SYNE1: variants seen among roughly 807,000 people sequenced by gnomAD.
The protein encoded by SYNE1 is spectrin repeat containing nuclear envelope protein 1, also known as nesprin-1.
In SYNE1, 616 loss-of-function variants were observed where a neutral mutation model predicts 1,111.0. The observed-to-expected ratio is 0.55, with a 90% confidence interval of 0.52 to 0.59. The LOEUF is 0.59. SYNE1 is among the 20% of genes least tolerant of loss of function. SYNE1 has a pLI of 0.00. For synonymous variants in SYNE1, 3,855 were observed against 3,825.8 expected, an observed-to-expected ratio of 1.01 and a Z score of -0.28; for missense variants, 10,006 against 10,417.0, an observed-to-expected ratio of 0.96 and a Z score of 1.72.
chr6:152,203,990 A>G (rs572664891), intron 126 of SYNE1, among the ~76,000 whole-genome samples: 163 of 152,314 alleles, frequency 1.1e-3, no homozygotes, highest in Middle Eastern at 6.8e-3. Flanking sequence ...TTCTGCTTAA[A>G]TTAAACAACA....
Position 152,232,176 on chromosome 6 carries a change from T to G in SYNE1, c.20802A>C (p.Glu6934Asp). 1 of 1,609,368 alleles carries G rather than the reference T, an allele frequency of 6.2e-7. No individual in the cohort carries two copies. Among genetic ancestry groups the G allele is most frequent in the Non-Finnish European group, 8.5e-7 (1 of 1,175,730 alleles). The part of the protein sequence containing the change: ...SLMENVIQKD[E>D]DNIKNSIGYK... The stretch of plus-strand genomic sequence containing the variant: ...AACCTATGGAATTTTTAATATTATC[T>G]TCATCCTTCTGAATAACATTTTCCA... Residue 6934 changes from glutamate (E) to aspartate (D), a missense_variant, in exon 113 of 146, where the codon GAA (glutamate) becomes GAC (aspartate). Physicochemically the swap from Glu to Asp is conservative, Grantham distance 45. Transcript: ENST00000367255.
chr6:152,490,520 T>C (rs1022065753), intron 11 of SYNE1, among the ~76,000 whole-genome samples: 13 of 152,190 alleles, frequency 8.5e-5, no homozygotes. Context: ...CTCTGGACAA[T>C]GAATCTCGGA....
intron 72 of SYNE1, among the ~76,000 whole-genome samples, chr6:152,349,928 A>C (rs1434088478): frequency 6.6e-6 from 1 of 152,208 alleles, no homozygotes; most frequent in Non-Finnish European, 1.5e-5. Flanking sequence ...AGGCCTCCCC[A>C]GCCACAAGGA....
At chr6:152,283,418 G>T (rs2094143697) in intron 96 of SYNE1, among the ~76,000 whole-genome samples, 1 of 152,186 alleles carries the variant, frequency 6.6e-6, no homozygotes, top group South Asian at 2.1e-4. Flanking sequence ...CCAAGAATTT[G>T]CTTTCCACAT....
intron 130 of SYNE1, among the ~76,000 whole-genome samples, chr6:152,172,163 G>A (rs1395620966): frequency 2.0e-5 from 3 of 152,126 alleles, no homozygotes; most frequent in African/African-American, 7.2e-5. Context: ...CCCAGGGCTG[G>A]GAGAAGTGGG....
In SYNE1 at chr6:152,321,325, C is replaced by T; in HGVS notation, c.16149G>A (p.Glu5383=). 6.2e-7 allele frequency: 1 copy of T among 1,613,822 alleles called. No individual in the cohort carries two copies. Among genetic ancestry groups the T allele is most frequent in the African/African-American group, 1.3e-5 (1 of 75,022 alleles). The change falls in exon 84 of 146, where the codon GAG becomes GAA. Residue 5383 remains glutamate (E), a synonymous_variant. Transcript: ENST00000367255. The part of the protein sequence containing the change: ...NIEKMAEEQK[E]KYLGLYTILP... ...ATATGGTATAAAGACCTAAGTACTT[C>T]TCCTTCTGTTCTTCTGCCATTTTTT...
intron 3 of SYNE1, among the ~76,000 whole-genome samples, chr6:152,604,329 G>A (rs531403408): frequency 1.5e-3 from 223 of 152,028 alleles, no homozygotes; most frequent in African/African-American, 5.0e-3. Flanking sequence ...TTGAGACAGG[G>A]TCTCACTCTG....
intron 53 of SYNE1, among the ~76,000 whole-genome samples, chr6:152,389,087 A>T (rs1441947677): frequency 1.4e-5 from 2 of 147,868 alleles, no homozygotes; most frequent in East Asian, 3.8e-4. Context: ...TAACAACAAC[A>T]AAAAAACCCT....
intron 98 of SYNE1, among the ~76,000 whole-genome samples, chr6:152,273,827 T>C (rs759231450): frequency 6.6e-6 from 1 of 152,156 alleles, no homozygotes; most frequent in Non-Finnish European, 1.5e-5. Context: ...GCTCCCCTCA[T>C]TGGTTTTGCC....
intron 3 of SYNE1, among the ~76,000 whole-genome samples, chr6:152,617,087 A>C (rs2099656389): frequency 6.6e-6 from 1 of 152,212 alleles, no homozygotes; most frequent in Non-Finnish European, 1.5e-5. Context: ...GAAGTCCCTC[A>C]AATATCTACT....
rs2154248829 is a variant in SYNE1, at chr6:152,449,542, A to C, written c.3495T>G (p.Arg1165=). The change falls in exon 28 of 146, where the codon CGT becomes CGG. Residue 1165 remains arginine, a synonymous_variant. Transcript: ENST00000367255. The stretch of plus-strand genomic sequence containing the variant: ...ATGACCCTGAACTTACTTCAACGGC[A>C]CGTTTAACCTCTCCGTGGTTGGCAG... ...IDTANHGEVK[R]AVEEIRNGVT... 1.2e-6 allele frequency: 2 copies of C among 1,613,672 alleles called. No individual in the cohort carries two copies. The highest frequency in any genetic ancestry group is 1.7e-6 in the Non-Finnish European group (2 of 1,179,608).
At chr6:152,296,170 T>A (rs2094869797) in intron 93 of SYNE1, among the ~76,000 whole-genome samples, 1 of 152,154 alleles carries the variant, frequency 6.6e-6, no homozygotes, top group Non-Finnish European at 1.5e-5. Context: ...AAATGATGAA[T>A]TTTCATCCCT....
chr6:152,226,150 A>G (rs2081523763), intron 115 of SYNE1, among the ~76,000 whole-genome samples: 1 of 152,190 alleles, frequency 6.6e-6, no homozygotes, highest in Non-Finnish European at 1.5e-5. Flanking sequence ...AATTTTCTCA[A>G]GAGGCTGTGA....
At chr6:152,240,120 TC>T (rs1725855435) in intron 107 of SYNE1, among the ~76,000 whole-genome samples, 1 of 151,590 alleles carries the variant, frequency 6.6e-6, no homozygotes, top group Admixed American at 6.6e-5. Context: ...GCGCGAGGAG[TC>T]CTTGACCAGG....
chr6:152,325,074 T>C lies in SYNE1; in HGVS notation c.15657+10A>G. On this transcript the variant is annotated intron_variant, in intron 81 of 145. Transcript: ENST00000367255. ...GAAAGAAAGGTGAGCCCATGGACAG[T>C]GGAAACTACCTTGTTGTTAAAGCCC... is the stretch of plus-strand genomic sequence containing the variant. 1 of 1,613,506 alleles carries C rather than the reference T, an allele frequency of 6.2e-7. No individual in the cohort carries two copies. Among genetic ancestry groups the C allele is most frequent in the Non-Finnish European group, 8.5e-7 (1 of 1,179,938 alleles).
intron 18 of SYNE1, 83 bp downstream of exon 18, chr6:152,465,175 G>A (rs537133536): frequency 4.3e-5 from 62 of 1,455,760 alleles, no homozygotes; most frequent in Non-Finnish European, 5.5e-5. Flanking sequence ...AAATATATGC[G>A]ACCCCCTAGT....
chr6:152,590,240 A>G (rs1001024874), intron 3 of SYNE1, among the ~76,000 whole-genome samples: 1 of 151,726 alleles, frequency 6.6e-6, no homozygotes, highest in Non-Finnish European at 1.5e-5. Context: ...AAAAAAAATT[A>G]TGTCTTATTA....
intron 130 of SYNE1, among the ~76,000 whole-genome samples, chr6:152,166,084 C>A (rs1473953589): frequency 6.6e-6 from 1 of 152,202 alleles, no homozygotes; most frequent in Non-Finnish European, 1.5e-5. Flanking sequence ...TGAACACTTA[C>A]TAGGCTTGGG....
chr6:152,602,841 A>G (rs1225600695), intron 3 of SYNE1, among the ~76,000 whole-genome samples: 1 of 152,168 alleles, frequency 6.6e-6, no homozygotes, highest in East Asian at 1.9e-4. Context: ...GAGACATAAC[A>G]AAAATTGATG....
Sources: gnomAD v4.1 joint callset for allele counts (sites outside exome capture counted in the v4.1 genomes callset) on GRCh38, gnomAD v4.1.1 for gene constraint, MANE v1.5 for transcripts, NCBI Gene and HGNC (gene_info 2026-07-23, HGNC 2026-07-21) for gene names.